Variants in CCDC88C observed in about 807,000 individuals in gnomAD.
The protein encoded by CCDC88C is protein Daple.
Under a neutral mutation model 198.8 loss-of-function variants are expected in CCDC88C, and 131 were observed. The observed-to-expected ratio is 0.66, with a 90% confidence interval of 0.57 to 0.76. The LOEUF is 0.76. Ranked by LOEUF, CCDC88C falls within the 30% of genes least tolerant of loss-of-function variation. The pLI is 0.00. For missense variants in CCDC88C, 2,553 were observed against 2,631.6 expected (o/e 0.97, Z 0.65); for synonymous variants, 1,166 against 1,114.7 (o/e 1.05, Z -0.92).
chr14:91,327,338 T>TG (rs1448454530), intron 10 of CCDC88C, among the ~76,000 whole-genome samples: 1 of 152,222 alleles, frequency 6.6e-6, no homozygotes, highest in African/African-American at 2.4e-5. Context: ...GATCAAAGCC[T>TG]GGCAGGCGGT....
chr14:91,345,166 T>TTATA (rs758438547), intron 4 of CCDC88C, among the ~76,000 whole-genome samples: 109 of 100,516 alleles, frequency 1.1e-3, no homozygotes, highest in South Asian at 3.1e-3. Context: ...GAGGTTCAAT[T>TTATA]TATATATATA....
chr14:91,293,639 T>C (rs1890870564), intron 23 of CCDC88C, among the ~76,000 whole-genome samples: 1 of 151,856 alleles, frequency 6.6e-6, no homozygotes, highest in Non-Finnish European at 1.5e-5. Context: ...CTGGGGTAGC[T>C]GTGGACTTCA....
intron 3 of CCDC88C, among the ~76,000 whole-genome samples, chr14:91,367,376 C>G (rs115615693): frequency 2.6e-5 from 4 of 152,156 alleles, no homozygotes; most frequent in African/African-American, 9.7e-5. Flanking sequence ...CAAAGAATGC[C>G]GCTGTTGACC....
chr14:91,376,270 G>A (rs543249150), intron 3 of CCDC88C, among the ~76,000 whole-genome samples: 2 of 152,314 alleles, frequency 1.3e-5, no homozygotes, highest in East Asian at 1.9e-4. Flanking sequence ...TGGTGGGGGC[G>A]CTGTCTGCTC....
At chr14:91,375,501 G>A (rs1338172911) in intron 3 of CCDC88C, among the ~76,000 whole-genome samples, 1 of 152,118 alleles carries the variant, frequency 6.6e-6, no homozygotes, top group Admixed American at 6.5e-5. Flanking sequence ...GAGGGGGGTG[G>A]GCAGCGGAAT....
Position 91,300,081 on chromosome 14 carries a change from G to C in CCDC88C, c.3636-11C>G. The C allele has an allele frequency of 6.2e-7, 1 of 1,604,956 alleles. No homozygotes were observed. The highest frequency in any genetic ancestry group is 8.5e-7 in the Non-Finnish European group (1 of 1,176,648). On this transcript the variant is annotated splice_polypyrimidine_tract_variant and intron_variant, in intron 20 of 29. Coordinates refer to ENST00000389857, the MANE Select transcript of CCDC88C (RefSeq NM_001080414.4). ...AGCATGTCACCGTGCCTGTTGGAGG[G>C]AAGCACCTGCCGTGAGTCTGGCCAG...
At chr14:91,328,058 CTT>C (rs1290209455) in intron 10 of CCDC88C, among the ~76,000 whole-genome samples, 6 of 152,208 alleles carry the variant, frequency 3.9e-5, no homozygotes, top group Admixed American at 3.3e-4. Context: ...TGCTTTTGCT[CTT>C]GTGAGCCTCG....
intron 10 of CCDC88C, among the ~76,000 whole-genome samples, chr14:91,331,289 A>G (rs1013416921): frequency 2.6e-5 from 4 of 152,204 alleles, no homozygotes; most frequent in Non-Finnish European, 4.4e-5. Context: ...CAGGGGCCCT[A>G]AGACACTGGA....
At chr14:91,310,729 AT>A (rs985566842) in intron 15 of CCDC88C, among the ~76,000 whole-genome samples, 2 of 152,124 alleles carry the variant, frequency 1.3e-5, no homozygotes, top group Non-Finnish European at 2.9e-5. Context: ...TTTTCAAAAC[AT>A]GGGTGTTGAA....
chr14:91,291,306 C>T (rs1192014563), intron 23 of CCDC88C, among the ~76,000 whole-genome samples: 6 of 152,064 alleles, frequency 3.9e-5, no homozygotes, highest in Non-Finnish European at 8.8e-5. Context: ...TTACTGAAGC[C>T]CCTGGGACCC....
At chr14:91,297,708 G>A (rs974849365) in intron 21 of CCDC88C, among the ~76,000 whole-genome samples, 2 of 152,072 alleles carry the variant, frequency 1.3e-5, no homozygotes, top group African/African-American at 4.8e-5. Flanking sequence ...GGATGCATGA[G>A]GGTACCCCTG....
In CCDC88C at chr14:91,283,519, T is replaced by G. The variant is rs1283433071; in HGVS notation, c.4442-2A>C. 5 of 1,606,468 alleles carry G rather than the reference T, an allele frequency of 3.1e-6. No homozygotes were observed. The East Asian group carries it at 1.1e-4, about 36-fold the overall frequency. On this transcript the variant is annotated splice_acceptor_variant, in intron 25 of 29. Coordinates refer to ENST00000389857, the MANE Select transcript of CCDC88C (RefSeq NM_001080414.4). LOFTEE classifies it high-confidence loss of function. ...GCTTTGGTTTTAGATCCCCAGGGCCTGAGGCAGAAGAGGACATTGAGAAAT... is the reference window on the plus strand; with the variant it reads ...GCTTTGGTTTTAGATCCCCAGGGCCGGAGGCAGAAGAGGACATTGAGAAAT...
At chr14:91,312,496 A>G (rs1286857439) in intron 15 of CCDC88C, among the ~76,000 whole-genome samples, 1 of 152,220 alleles carries the variant, frequency 6.6e-6, no homozygotes, top group Non-Finnish European at 1.5e-5. Flanking sequence ...CAGCCTGGCC[A>G]ACATGGTGAA....
chr14:91,292,103 A>G (rs1463946014), intron 23 of CCDC88C, among the ~76,000 whole-genome samples: 1 of 152,098 alleles, frequency 6.6e-6, no homozygotes, highest in African/African-American at 2.4e-5. Context: ...TCCTGCCCCA[A>G]CTGAGGGCTT....
In CCDC88C at chr14:91,370,904, A is replaced by G. The variant is rs1010870336; in HGVS notation, c.271-11193T>C. ...CGTAGCCCCACATTCAGGTCTGGAAACCCAGGTCTCCTTGCACTCCGCCCT... is the reference window on the plus strand; with the variant it reads ...CGTAGCCCCACATTCAGGTCTGGAAGCCCAGGTCTCCTTGCACTCCGCCCT... On this transcript the variant is annotated intron_variant, in intron 3 of 29. Coordinates refer to ENST00000389857, the MANE Select transcript of CCDC88C (RefSeq NM_001080414.4). 4.2e-4 allele frequency among the ~76,000 whole-genome samples: 64 copies of G among 152,340 alleles called. 1 individual carries two copies. The highest frequency in any genetic ancestry group is 1.4e-3 in the African/African-American group (58 of 41,580).
intron 1 of CCDC88C, 150 bp downstream of exon 1, chr14:91,417,480 CG>C: frequency 1.6e-6 from 1 of 609,234 alleles, no homozygotes; most frequent in South Asian, 2.1e-5. Context: ...CTCCAGGACG[CG>C]GCCCCAACCC....
chr14:91,399,510 G>C (rs535865909), intron 3 of CCDC88C, among the ~76,000 whole-genome samples: 6 of 152,284 alleles, frequency 3.9e-5, no homozygotes, highest in African/African-American at 1.2e-4. Context: ...AATGGGAGCA[G>C]GAGTTTTCTT....
Position 91,314,118 on chromosome 14 carries a change from G to T in CCDC88C, c.1698C>A (p.Leu566=), listed in dbSNP as rs756980237. The T allele has an allele frequency of 6.2e-7, 1 of 1,612,782 alleles. No homozygotes were observed. The highest frequency in any genetic ancestry group is 8.5e-7 in the Non-Finnish European group (1 of 1,179,530). ...IKDLEQEKDH[L]NRAMWSLRER... is the part of the protein sequence containing the mutation. ...CCCGCAGCGACCACATGGCTCGGTTGAGGTGGTCCTTTTCCTGCTCAAGGT... is the reference window on the plus strand; with the variant it reads ...CCCGCAGCGACCACATGGCTCGGTTTAGGTGGTCCTTTTCCTGCTCAAGGT... Residue 566 remains leucine (L), a synonymous_variant, in exon 15 of 30, where the codon CTC becomes CTA. Coordinates refer to ENST00000389857, the MANE Select transcript of CCDC88C (RefSeq NM_001080414.4).
At chr14:91,406,572 C>T (rs1886496093) in intron 3 of CCDC88C, among the ~76,000 whole-genome samples, 1 of 152,250 alleles carries the variant, frequency 6.6e-6, no homozygotes, top group Non-Finnish European at 1.5e-5. Flanking sequence ...CGCACGCAGG[C>T]TGGGTTAGGG....
Sources: allele counts gnomAD v4.1 joint callset (sites outside exome capture counted in the v4.1 genomes callset), GRCh38; gene constraint gnomAD v4.1.1; transcripts MANE v1.5; gene names NCBI Gene and HGNC (gene_info 2026-07-23, HGNC 2026-07-21).